SLC10A6: variants seen among roughly 807,000 people sequenced by gnomAD.
The protein encoded by SLC10A6 is sodium-dependent organic anion transporter.
Under a neutral mutation model 30.0 loss-of-function variants are expected in SLC10A6, and 27 were observed. The observed-to-expected ratio is 0.90, with a 90% CI of 0.66 to 1.24. The LOEUF is 1.24. Ranked by LOEUF, SLC10A6 falls within the 50% of genes most tolerant of loss-of-function variation. SLC10A6 has a pLI of 0.00. For synonymous variants in SLC10A6, 166 were observed against 173.8 expected (o/e 0.95, Z 0.36); for missense variants, 439 against 457.0 (o/e 0.96, Z 0.36).
rs1420176461 is a variant in SLC10A6 at position 86,823,618 on chromosome 4, T to C, written c.*70A>G. On this transcript the variant is annotated 3_prime_UTR_variant, in exon 6 of 6. Coordinates refer to ENST00000273905, the MANE Select transcript of SLC10A6 (RefSeq NM_197965.3). Reference sequence around the variant, plus strand: ...ACACTGGCCCTACCAACAAGATTCATGTGTCAGCTGCACACTGTCTTTACT... The same window carrying C: ...ACACTGGCCCTACCAACAAGATTCACGTGTCAGCTGCACACTGTCTTTACT... 1 of 1,242,418 alleles carries C rather than the reference T, an allele frequency of 8.0e-7. No individual in the cohort carries two copies. The highest frequency in any genetic ancestry group is 1.1e-6 in the Non-Finnish European group (1 of 896,618). 77.0% of individuals were successfully genotyped at this position (1,242,418 alleles called of 1,614,324 possible). A position where few individuals can be genotyped will look rare whatever the true frequency, so the allele number is the denominator to read the frequency against.
intron 1 of SLC10A6, among the ~76,000 whole-genome samples, chr4:86,840,211 A>G (rs902164105): frequency 6.6e-6 from 1 of 151,682 alleles, no homozygotes; most frequent in Non-Finnish European, 1.5e-5. Context: ...GAGCCACTGC[A>G]CCCAGCCGAC....
intron 1 of SLC10A6, among the ~76,000 whole-genome samples, chr4:86,844,460 C>T (rs1746360012): frequency 6.6e-6 from 1 of 152,176 alleles, no homozygotes; most frequent in African/African-American, 2.4e-5. Context: ...GAAGTTCAGC[C>T]CATCAAGAGG....
intron 1 of SLC10A6, among the ~76,000 whole-genome samples, chr4:86,846,855 T>C (rs1405692442): frequency 1.3e-5 from 2 of 152,102 alleles, no homozygotes; most frequent in Non-Finnish European, 2.9e-5. Flanking sequence ...CTTAGATAGG[T>C]TAAATAATTT....
At position 86,831,840 on chromosome 4, in the gene SLC10A6, A is replaced by C. The variant is rs138240891; in HGVS notation, c.537T>G (p.Gly179=). The change falls in exon 3 of 6, where the codon GGT becomes GGG. Residue 179 remains glycine (G), a synonymous_variant. Transcript: ENST00000273905. ...LVCLTIPVAF[G]VYVNYRWPKQ... ...TTGGCCATCTGTAATTCACATAGAC[A>C]CCAAAGGCCACAGGAATGGTCAGGC... The C allele has an allele frequency of 6.2e-6, 10 of 1,613,440 alleles. No homozygotes were observed. Among genetic ancestry groups the C allele is most frequent in the Non-Finnish European group, 5.9e-6 (7 of 1,179,684 alleles).
chr4:86,831,488 G>A (rs1001022835), intron 3 of SLC10A6, among the ~76,000 whole-genome samples: 1 of 152,210 alleles, frequency 6.6e-6, no homozygotes, highest in Non-Finnish European at 1.5e-5. Flanking sequence ...GTGAAGCCTT[G>A]TTTATGGATG....
At chr4:86,824,010 T>A in intron 5 of SLC10A6, 108 bp from the exon 6 acceptor site, 1 of 984,742 alleles carries the variant, frequency 1.0e-6, no homozygotes, top group Non-Finnish European at 1.5e-6. Flanking sequence ...TGGCATCATG[T>A]ATGTATAAAC....
intron 1 of SLC10A6, among the ~76,000 whole-genome samples, chr4:86,842,707 AAAAAGAAAAGAAAAG>A (rs527444104): frequency 2.3e-5 from 2 of 87,608 alleles, no homozygotes; most frequent in Non-Finnish European, 5.2e-5. Context: ...CAAAAAAAAA[AAAAAGAAAAGAAAAG>A]AAAAGAAAAG....
chr4:86,832,952 A>C (rs1399086704), intron 2 of SLC10A6, among the ~76,000 whole-genome samples: 1 of 152,168 alleles, frequency 6.6e-6, no homozygotes, highest in Non-Finnish European at 1.5e-5. Flanking sequence ...TTATAGTCTA[A>C]TTACATAAGG....
At chr4:86,848,623 C>A in intron 1 of SLC10A6, 116 bp downstream of exon 1, 1 of 1,323,338 alleles carries the variant, frequency 7.6e-7, no homozygotes, top group Non-Finnish European at 1.0e-6. Flanking sequence ...ATATTTGTAA[C>A]ATTTCCCACT....
intron 3 of SLC10A6, among the ~76,000 whole-genome samples, chr4:86,830,318 A>G (rs1482801140): frequency 1.3e-5 from 2 of 152,164 alleles, no homozygotes; most frequent in East Asian, 3.9e-4. Flanking sequence ...GCATCATTTG[A>G]GCCTAGGAGA....
chr4:86,824,039 G>A (rs935457654), intron 5 of SLC10A6, 137 bp from the exon 6 acceptor site: 1 of 727,050 alleles, frequency 1.4e-6, no homozygotes, highest in Non-Finnish European at 2.2e-6. Flanking sequence ...AAAAGAAGGG[G>A]GAAAGAGAGA....
At chr4:86,837,004 G>A (rs184596627) in intron 1 of SLC10A6, among the ~76,000 whole-genome samples, 5 of 151,776 alleles carry the variant, frequency 3.3e-5, no homozygotes, top group East Asian at 1.9e-4. Context: ...TGATCCACCC[G>A]CCTCGGCCTC....
intron 1 of SLC10A6, among the ~76,000 whole-genome samples, chr4:86,837,232 A>G (rs1319556548): frequency 2.2e-5 from 2 of 91,832 alleles, no homozygotes; most frequent in Admixed American, 2.4e-4. Context: ...AGAGAGAAAG[A>G]AAGAAAGAAA....
chr4:86,835,205 C>T (rs763408633), intron 1 of SLC10A6, among the ~76,000 whole-genome samples: 14 of 152,316 alleles, frequency 9.2e-5, no homozygotes, highest in South Asian at 2.1e-4. Context: ...ATGCCATAAG[C>T]TCCCCATTGG....
At chr4:86,827,428 C>T (rs887673327) in intron 4 of SLC10A6, among the ~76,000 whole-genome samples, 1 of 152,140 alleles carries the variant, frequency 6.6e-6, no homozygotes, top group African/African-American at 2.4e-5. Context: ...TTACCGGGCG[C>T]TTAGTACAAC....
chr4:86,836,027 G>A (rs1256938860), intron 1 of SLC10A6, among the ~76,000 whole-genome samples: 4 of 152,184 alleles, frequency 2.6e-5, no homozygotes, highest in African/African-American at 9.6e-5. Context: ...ACCTTGGAAA[G>A]TGAAATGTGG....
intron 2 of SLC10A6, 97 bp from the exon 3 acceptor site, chr4:86,831,977 A>G (rs1578755397): frequency 1.0e-6 from 1 of 987,062 alleles, no homozygotes; most frequent in Non-Finnish European, 1.6e-6. Context: ...ACAGCTTTAA[A>G]CTGACATTTT....
chr4:86,830,230 T>TA (rs918356989), intron 3 of SLC10A6, among the ~76,000 whole-genome samples: 77 of 149,534 alleles, frequency 5.1e-4, no homozygotes, highest in African/African-American at 1.4e-3. Context: ...ACCCTGTCTC[T>TA]AAAAAAAAAA....
At chr4:86,825,289 C>T in intron 5 of SLC10A6, 131 bp downstream of exon 5, 1 of 780,722 alleles carries the variant, frequency 1.3e-6, no homozygotes, top group Non-Finnish European at 2.0e-6. Context: ...CTTATCGTCC[C>T]CAGAAATGTC....
Sources: allele counts gnomAD v4.1 joint callset (sites outside exome capture counted in the v4.1 genomes callset), GRCh38; gene constraint gnomAD v4.1.1; transcripts MANE v1.5; gene names NCBI Gene and HGNC (gene_info 2026-07-23, HGNC 2026-07-21).